ABCC5: variants seen among roughly 807,000 people sequenced by gnomAD.
ABCC5 encodes the protein ATP-binding cassette sub-family C member 5.
ABCC5 carries 61 observed loss-of-function variants against 160.9 expected under a neutral mutation model. The ratio of observed to expected loss-of-function variants is 0.38; its 90% CI spans 0.31 to 0.47. ABCC5 has a LOEUF of 0.47. Among genes scored for constraint, ABCC5 ranks in the 20% least tolerant of loss-of-function variants. ABCC5 has a pLI of 0.99. For missense variants in ABCC5, 1,308 were observed against 1,813.3 expected (o/e 0.72, Z 5.06); for synonymous variants, 666 against 700.6 (o/e 0.95, Z 0.78).
chr3:183,983,048 C>A, intron 5 of ABCC5, 41 bp from the exon 6 acceptor site: 7 of 1,504,244 alleles, frequency 4.7e-6, no homozygotes, highest in Non-Finnish European at 6.5e-6. Context: ...ATCTCCACGG[C>A]ACTCACACAC....
intron 23 of ABCC5, 121 bp from the exon 24 acceptor site, chr3:183,946,060 T>C (rs1313337769): frequency 1.0e-5 from 9 of 864,816 alleles, no homozygotes; most frequent in Non-Finnish European, 7.8e-6. Flanking sequence ...CAGCTGGTCT[T>C]AGGGACCTAG....
intron 5 of ABCC5, chr3:183,984,515 T>A: frequency 9.0e-7 from 1 of 1,113,074 alleles, no homozygotes. Context: ...GGTTAATTTC[T>A]TGTTTTTCCT....
At chr3:184,009,302 G>A (rs1275853614) in intron 2 of ABCC5, among the ~76,000 whole-genome samples, 2 of 151,888 alleles carry the variant, frequency 1.3e-5, no homozygotes, top group African/African-American at 4.8e-5. Flanking sequence ...TTAAATTTTT[G>A]ACAGATAGTA....
chr3:183,936,438 A>G (rs1055700379), intron 26 of ABCC5, among the ~76,000 whole-genome samples: 2 of 152,180 alleles, frequency 1.3e-5, no homozygotes, highest in Non-Finnish European at 2.9e-5. Flanking sequence ...ACAAGTCTGA[A>G]CACTGCCTAT....
At chr3:183,965,043 G>A (rs894063630) in intron 14 of ABCC5, 142 bp downstream of exon 14, 15 of 755,912 alleles carry the variant, frequency 2.0e-5, no homozygotes, top group Non-Finnish European at 2.6e-5. Flanking sequence ...ATGGACACAT[G>A]CTTTCCTAAC....
Position 183,987,003 on chromosome 3 carries a change from C to T in ABCC5, c.591+767G>A, listed in dbSNP as rs1281982699. On this transcript the variant is annotated intron_variant, in intron 5 of 29. Transcript: ENST00000334444. The surrounding 1 kb of genome is among the most constrained non-coding windows in gnomAD (Gnocchi z 4.2). ...ACCTAATTGCCATGCATCTTAGGCACATACTTACCAAAACCATGAACCTCC... is the reference window on the plus strand; with the variant it reads ...ACCTAATTGCCATGCATCTTAGGCATATACTTACCAAAACCATGAACCTCC... 1 of 152,220 alleles carries T rather than the reference C, an allele frequency of 6.6e-6. No homozygotes were observed. Among genetic ancestry groups the T allele is most frequent in the African/African-American group, 2.4e-5 (1 of 41,428 alleles). The allele number at this position is 152,220 out of a possible 1,614,324, so 9.4% of individuals were successfully genotyped here. A position where few individuals can be genotyped will look rare whatever the true frequency, so the allele number is the denominator to read the frequency against.
chr3:183,925,939 C>T (rs76030146), intron 28 of ABCC5, among the ~76,000 whole-genome samples: 8,546 of 149,654 alleles, frequency 0.057, 312 homozygotes, highest in East Asian at 0.16. Context: ...CCCGGGTTCA[C>T]GCCATTCTCC....
chr3:183,986,045 C>T (rs1183494298), intron 5 of ABCC5: 4 of 152,856 alleles, frequency 2.6e-5, no homozygotes, highest in Non-Finnish European at 5.8e-5. Flanking sequence ...AAAGTCGTGC[C>T]AGATTAGAAA....
Position 183,959,739 on chromosome 3 carries a change from C to T in ABCC5, c.2476G>A (p.Glu826Lys), listed in dbSNP as rs780239386. The change falls in exon 17 of 30, where the codon GAG becomes AAG. Residue 826 changes from glutamate to lysine, a missense_variant. Around this residue, in one of 3 missense-constraint regions of ABCC5, gnomAD observed 1,142 missense variants for 1,527.1 expected, o/e 0.75. Coordinates refer to ENST00000334444, the MANE Select transcript of ABCC5 (RefSeq NM_005688.4). ...SVKKEKAVKP[E>K]EGQLVQLEEK... Reference sequence around the variant, plus strand: ...TTTCAAAAAAGGCCATTACCTTCCTCTGGCTTTACTGCTTTTTCCTTCTTT... The same window carrying T: ...TTTCAAAAAAGGCCATTACCTTCCTTTGGCTTTACTGCTTTTTCCTTCTTT... 7.5e-6 allele frequency: 12 copies of T among 1,607,554 alleles called. No individual in the cohort carries two copies. Among genetic ancestry groups the T allele is most frequent in the Non-Finnish European group, 1.0e-5 (12 of 1,177,844 alleles).
chr3:183,956,361 G>C, intron 17 of ABCC5, among the ~76,000 whole-genome samples: 1 of 151,348 alleles, frequency 6.6e-6, no homozygotes. Context: ...TATCACATCG[G>C]TTACATGCAG....
At chr3:183,966,436 C>G (rs1717224299) in intron 12 of ABCC5, among the ~76,000 whole-genome samples, 1 of 152,166 alleles carries the variant, frequency 6.6e-6, no homozygotes, top group Admixed American at 6.5e-5. Flanking sequence ...GGCTGACCAG[C>G]CCAACCCGTT....
At chr3:183,984,838 G>A in intron 5 of ABCC5, 1 of 1,586,998 alleles carries the variant, frequency 6.3e-7, no homozygotes, top group African/African-American at 1.3e-5. Context: ...AGATGGCGGT[G>A]CAGTGAAGCC....
Position 183,921,413 on chromosome 3 carries a change from G to A in ABCC5, c.4213-12C>T. 1 of 1,611,282 alleles carries A rather than the reference G, an allele frequency of 6.2e-7. No individual in the cohort carries two copies. Among genetic ancestry groups the A allele is most frequent in the South Asian group, 1.1e-5 (1 of 90,544 alleles). The stretch of plus-strand genomic sequence containing the variant: ...TCAAACTCCACCACCTGCAAAAGAA[G>A]GAGACGCCGTCAGGACACAGCTCTG... On this transcript the variant is annotated splice_polypyrimidine_tract_variant and intron_variant, in intron 29 of 29. Coordinates refer to ENST00000334444, the MANE Select transcript of ABCC5 (RefSeq NM_005688.4). This position sits in a 1 kb window ranked among gnomAD's most constrained non-coding sequence, Gnocchi z 4.1.
chr3:183,967,618 A>G lies in ABCC5; in HGVS notation c.1833+77T>C, dbSNP rs374778609. 1.5e-5 allele frequency: 19 copies of G among 1,293,962 alleles called. No individual in the cohort carries two copies. In the Admixed American group the frequency reaches 2.5e-4, roughly 17 times the overall value. 80.2% of individuals were successfully genotyped at this position (1,293,962 alleles called of 1,614,324 possible). ...TTGTTTCCACCTTTCCTGACTCTCC[A>G]GGAAATTTGTTCGTTTTTCCTGAGA... On this transcript the variant is annotated intron_variant, in intron 12 of 29. Transcript: ENST00000334444.
At chr3:183,962,127 G>A (rs753139763) in intron 15 of ABCC5, among the ~76,000 whole-genome samples, 1 of 152,134 alleles carries the variant, frequency 6.6e-6, no homozygotes, top group Non-Finnish European at 1.5e-5. Context: ...CTTACATCCT[G>A]ATAAACCCAA....
chr3:183,994,946 C>T (rs1395631530), intron 2 of ABCC5, among the ~76,000 whole-genome samples: 1 of 150,130 alleles, frequency 6.7e-6, no homozygotes, highest in Non-Finnish European at 1.5e-5. Context: ...CAGCCTTGAA[C>T]TCCCAGGCTC....
intron 2 of ABCC5, among the ~76,000 whole-genome samples, chr3:183,993,248 G>A (rs992181897): frequency 2.9e-4 from 44 of 152,076 alleles, no homozygotes; most frequent in African/African-American, 1.1e-3. Flanking sequence ...ACTTTGGGAG[G>A]CAAAGGCAGG....
At chr3:183,966,373 C>T (rs902583234) in intron 12 of ABCC5, among the ~76,000 whole-genome samples, 9 of 152,200 alleles carry the variant, frequency 5.9e-5, no homozygotes, top group African/African-American at 2.2e-4. Context: ...GGCTGCTGCA[C>T]AAACACCGCA....
rs1396320839 is a variant in ABCC5 at position 183,921,126 on chromosome 3, A to G, written c.*174T>C. 3 of 490,892 alleles carry G rather than the reference A, an allele frequency of 6.1e-6. No homozygotes were observed. The highest frequency in any genetic ancestry group is 6.0e-5 in the African/African-American group (3 of 50,350). The allele number at this position is 490,892 out of a possible 1,614,324, so 30.4% of individuals were successfully genotyped here. A position where few individuals can be genotyped will look rare whatever the true frequency, so the allele number is the denominator to read the frequency against. The stretch of plus-strand genomic sequence containing the variant: ...TTTACATGAATATGGAATAAATACA[A>G]TAATCAAAATATGACTCTCCCTAAA... On this transcript the variant is annotated 3_prime_UTR_variant, in exon 30 of 30. Coordinates refer to ENST00000334444, the MANE Select transcript of ABCC5 (RefSeq NM_005688.4). This position sits in a 1 kb window ranked among gnomAD's most constrained non-coding sequence, Gnocchi z 4.1.
Sources: allele counts gnomAD v4.1 joint callset (sites outside exome capture counted in the v4.1 genomes callset), GRCh38; gene constraint gnomAD v4.1.1; regional missense constraint gnomAD v4.1.1; non-coding constraint Gnocchi (gnomAD v3.1); transcripts MANE v1.5; gene names NCBI Gene and HGNC (gene_info 2026-07-23, HGNC 2026-07-21).